Variants in ADAM9 observed in about 807,000 individuals in gnomAD.
ADAM9 encodes the protein ADAM metallopeptidase domain 9.
A neutral mutation model predicts 108.1 loss-of-function variants in ADAM9; 54 were observed. The ratio of observed to expected loss-of-function variants is 0.50; its 90% confidence interval spans 0.40 to 0.63. The LOEUF is 0.63. ADAM9 is among the 20% of genes least tolerant of loss of function. The pLI, the probability that ADAM9 is intolerant of heterozygous loss-of-function variation, is 0.00. For missense variants in ADAM9, 830 were observed against 997.7 expected (o/e 0.83, Z 2.26); for synonymous variants, 316 against 336.0 (o/e 0.94, Z 0.65).
intron 5 of ADAM9, among the ~76,000 whole-genome samples, 186 bp downstream of exon 5, chr8:39,016,380 TTGA>T (rs1348072042): frequency 1.3e-5 from 2 of 152,212 alleles, no homozygotes; most frequent in Non-Finnish European, 2.9e-5. Flanking sequence ...AGTATTATAG[TTGA>T]TGAGTTTTAA....
rs566385221 is a variant in ADAM9 at position 39,021,639 on chromosome 8, C to G, written c.673-4C>G. 68 of 1,613,266 alleles carry G rather than the reference C, an allele frequency of 4.2e-5. 1 individual carries two copies. In the South Asian group the frequency reaches 7.2e-4, roughly 17 times the overall value. ...ATAATGATTCTCCTTCTTTGCTTTT[C>G]CAGTATGACATGATGGGAAGAAATC... On this transcript the variant is annotated splice_region_variant and splice_polypyrimidine_tract_variant and intron_variant, in intron 7 of 21. Transcript: ENST00000487273.
intron 12 of ADAM9, among the ~76,000 whole-genome samples, chr8:39,044,001 C>G (rs1288046629): frequency 6.6e-6 from 1 of 152,078 alleles, no homozygotes; most frequent in African/African-American, 2.4e-5. Context: ...AAGTTTACCC[C>G]TTATGGTTTG....
At position 39,031,418 on chromosome 8, in the gene ADAM9, C is replaced by A. The variant is rs890524295; in HGVS notation, c.1130+4608C>A. Among the ~76,000 whole-genome samples the A allele has an allele frequency of 2.6e-5, 4 of 152,168 alleles. No homozygotes were observed. In the East Asian group the frequency reaches 7.7e-4, roughly 29 times the overall value. Reference sequence around the variant, plus strand: ...TCTCTATCTTGTTCTCTTTATCTATCTGTCACCTTTTGCTAATAACACAGT... The same window carrying A: ...TCTCTATCTTGTTCTCTTTATCTATATGTCACCTTTTGCTAATAACACAGT... On this transcript the variant is annotated intron_variant, in intron 11 of 21. Coordinates refer to ENST00000487273, the MANE Select transcript of ADAM9 (RefSeq NM_003816.3).
rs542262751 is a variant in ADAM9 at position 39,056,173 on chromosome 8, C to G, written c.1591+401C>G. ...ATGAATGGATCATGATTTAGTTATTCTCTTACTGATAGATATTTGGGATTT... is the reference window on the plus strand; with the variant it reads ...ATGAATGGATCATGATTTAGTTATTGTCTTACTGATAGATATTTGGGATTT... On this transcript the variant is annotated intron_variant, in intron 14 of 21. Coordinates refer to ENST00000487273, the MANE Select transcript of ADAM9 (RefSeq NM_003816.3). Among the ~76,000 whole-genome samples the G allele has an allele frequency of 2.6e-5, 4 of 152,050 alleles. No individual in the cohort carries two copies. In the South Asian group the frequency reaches 8.3e-4, roughly 31 times the overall value.
At chr8:39,017,054 G>C in intron 5 of ADAM9, 165 bp from the exon 6 acceptor site, 1 of 708,868 alleles carries the variant, frequency 1.4e-6, no homozygotes, top group Admixed American at 2.8e-5. Context: ...TTTCAATTTA[G>C]GTCCGTCCCA....
At chr8:39,018,106 G>A (rs1173665097) in intron 6 of ADAM9, among the ~76,000 whole-genome samples, 10 of 152,180 alleles carry the variant, frequency 6.6e-5, no homozygotes, top group Admixed American at 6.5e-4. Context: ...TGACATGGGT[G>A]TCTCTTAGAC....
At chr8:39,100,152 C>T (rs1487144594) in intron 20 of ADAM9, among the ~76,000 whole-genome samples, 4 of 151,778 alleles carry the variant, frequency 2.6e-5, no homozygotes, top group Middle Eastern at 3.4e-3. Context: ...TGATTACAGG[C>T]GCCTGGCCAC....
intron 14 of ADAM9, among the ~76,000 whole-genome samples, chr8:39,067,730 CTTTA>C (rs1588405581): frequency 6.6e-6 from 1 of 152,138 alleles, no homozygotes; most frequent in East Asian, 1.9e-4. Context: ...ATTGAATACC[CTTTA>C]TTTCTTTCTC....
intron 11 of ADAM9, among the ~76,000 whole-genome samples, chr8:39,030,802 G>A (rs1837073240): frequency 6.6e-6 from 1 of 152,206 alleles, no homozygotes; most frequent in Non-Finnish European, 1.5e-5. Flanking sequence ...CTATAGGCAT[G>A]TAGTGGTATC....
chr8:39,038,030 C>T (rs1370294256), intron 11 of ADAM9, among the ~76,000 whole-genome samples: 1 of 152,128 alleles, frequency 6.6e-6, no homozygotes, highest in Admixed American at 6.5e-5. Flanking sequence ...TCTCACTCTT[C>T]ATCTTAATGG....
intron 12 of ADAM9, among the ~76,000 whole-genome samples, chr8:39,048,892 C>G (rs1226203879): frequency 6.6e-6 from 1 of 151,512 alleles, no homozygotes; most frequent in Non-Finnish European, 1.5e-5. Flanking sequence ...TATAGGTACC[C>G]CTGCTCTCTG....
intron 1 of ADAM9, among the ~76,000 whole-genome samples, chr8:39,004,719 G>C (rs1386302714): frequency 6.6e-6 from 1 of 152,204 alleles, no homozygotes; most frequent in East Asian, 1.9e-4. Context: ...AGTTTTCTGG[G>C]AAAGGGGCAA....
At chr8:39,055,865 T>C in intron 14 of ADAM9, 93 bp downstream of exon 14, 2 of 1,300,742 alleles carry the variant, frequency 1.5e-6, no homozygotes, top group Non-Finnish European at 2.1e-6. Context: ...ATTGATAAAG[T>C]TGAGGCTCTC....
At chr8:39,048,862 T>C (rs1417500213) in intron 12 of ADAM9, among the ~76,000 whole-genome samples, 1 of 151,960 alleles carries the variant, frequency 6.6e-6, no homozygotes, top group African/African-American at 2.4e-5. Flanking sequence ...TGACATAGAG[T>C]CTCTTTTCTT....
chr8:39,012,768 G>A (rs1836397733), intron 3 of ADAM9, among the ~76,000 whole-genome samples: 1 of 152,162 alleles, frequency 6.6e-6, no homozygotes, highest in Admixed American at 6.5e-5. Flanking sequence ...GACACAGGAA[G>A]GGGAACATCA....
chr8:39,081,472 C>T (rs1839023034), intron 16 of ADAM9, among the ~76,000 whole-genome samples: 4 of 152,124 alleles, frequency 2.6e-5, no homozygotes, highest in Admixed American at 2.6e-4. Context: ...GGTAGGGAAA[C>T]TCTTGGTAAA....
Position 39,010,580 on chromosome 8 carries a change from A to T in ADAM9, c.196-1078A>T, listed in dbSNP as rs578039501. Among the ~76,000 whole-genome samples, 10 of 152,344 alleles carry T rather than the reference A, an allele frequency of 6.6e-5. No individual in the cohort carries two copies. The East Asian group carries it at 1.9e-3, about 29-fold the overall frequency. ...GAGTCCCTCCATGACTTTCTTTTTT[A>T]TTAAAGAGTTAAGGCGAAGTCACAT... On this transcript the variant is annotated intron_variant, in intron 2 of 21. Coordinates refer to ENST00000487273, the MANE Select transcript of ADAM9 (RefSeq NM_003816.3).
At position 39,090,055 on chromosome 8, in the gene ADAM9, A is replaced by G. The variant is rs1414399396; in HGVS notation, c.2077A>G (p.Thr693Ala). 4 of 1,613,902 alleles carry G rather than the reference A, an allele frequency of 2.5e-6. No homozygotes were observed. The highest frequency in any genetic ancestry group is 1.7e-5 in the Admixed American group (1 of 60,010). The stretch of plus-strand genomic sequence containing the variant: ...AAAATTCTTCTCTCTAGAAATGAAT[A>G]CTGCATTGAGGGACGGACTTCTGGT... ...DSGPTYNEMN[T>A]ALRDGLLVFF... Residue 693 changes from threonine (T) to alanine (A), a missense_variant, in exon 19 of 22, where the codon ACT (threonine) becomes GCT (alanine). Thr to Ala is a moderately conservative substitution (Grantham distance 58, BLOSUM62 0). This residue lies in a region of ADAM9 where 238 missense variants were observed against 235.7 expected (regional missense o/e 1.01). Transcript: ENST00000487273.
Position 39,089,887 on chromosome 8 carries a change from C to T in ADAM9, c.2069-160C>T, listed in dbSNP as rs1345781230. The stretch of plus-strand genomic sequence containing the variant: ...TATTTTTGTGAAGGCAGAAGTAAAG[C>T]GGACAGGAATGAACTTTGTGGAAGA... On this transcript the variant is annotated intron_variant, in intron 18 of 21. Transcript: ENST00000487273. 4.4e-5 allele frequency: 33 copies of T among 753,206 alleles called. No homozygotes were observed. The East Asian group carries it at 5.8e-4, about 13-fold the overall frequency. The allele number at this position is 753,206 out of a possible 1,614,324, so 46.7% of individuals were successfully genotyped here.
Sources: gnomAD v4.1 joint callset for allele counts (sites outside exome capture counted in the v4.1 genomes callset) on GRCh38, gnomAD v4.1.1 for gene constraint, gnomAD v4.1.1 regional missense constraint, MANE v1.5 for transcripts, NCBI Gene and HGNC (gene_info 2026-07-23, HGNC 2026-07-21) for gene names.